Variants in SNCAIP observed in about 807,000 individuals in gnomAD.
SNCAIP encodes synuclein alpha interacting protein, also known as synphilin-1.
SNCAIP carries 43 observed loss-of-function variants against 86.7 expected under a neutral mutation model. The observed-to-expected ratio is 0.50, with a 90% CI of 0.39 to 0.64. The LOEUF (loss-of-function observed/expected upper bound fraction) is 0.64. Among genes scored for constraint, SNCAIP ranks in the 30% least tolerant of loss-of-function variants. SNCAIP has a pLI of 0.00. For synonymous variants in SNCAIP, 417 were observed against 427.2 expected, an observed-to-expected ratio of 0.98 and a Z score of 0.29; for missense variants, 981 against 1,103.1, an observed-to-expected ratio of 0.89 and a Z score of 1.57.
intron 2 of SNCAIP, 22 bp from the exon 3 acceptor site, chr5:122,403,771 T>G: frequency 6.2e-7 from 1 of 1,600,350 alleles, no homozygotes; most frequent in Non-Finnish European, 8.6e-7. Flanking sequence ...TTATGCCCTC[T>G]CTTCTCTGGC....
Position 122,463,608 on chromosome 5 carries a change from T to C in SNCAIP, c.*112T>C, listed in dbSNP as rs1351163718. On this transcript the variant is annotated 3_prime_UTR_variant, in exon 11 of 11. Coordinates refer to ENST00000261368, the MANE Select transcript of SNCAIP (RefSeq NM_005460.4). ...TTTAAATTTTCTCTCACTGATGCCCTTTGGAAATTATTGGAAATTTCTGGA... is the reference window on the plus strand; with the variant it reads ...TTTAAATTTTCTCTCACTGATGCCCCTTGGAAATTATTGGAAATTTCTGGA... 8.3e-7 allele frequency: 1 copy of C among 1,207,976 alleles called. No homozygotes were observed. The highest frequency in any genetic ancestry group is 2.4e-5 in the East Asian group (1 of 42,422). 74.8% of individuals were successfully genotyped at this position (1,207,976 alleles called of 1,614,324 possible).
chr5:122,348,067 G>A (rs1405770672), intron 1 of SNCAIP, among the ~76,000 whole-genome samples: 1 of 152,032 alleles, frequency 6.6e-6, no homozygotes, highest in Non-Finnish European at 1.5e-5. Flanking sequence ...GACAAATACT[G>A]AATATATTTC....
At chr5:122,328,468 G>C (rs1754582716) in intron 1 of SNCAIP, among the ~76,000 whole-genome samples, 1 of 152,098 alleles carries the variant, frequency 6.6e-6, no homozygotes, top group Non-Finnish European at 1.5e-5. Context: ...CCCTTCTCTT[G>C]AACCCTCTCA....
Position 122,431,118 on chromosome 5 carries a change from G to A in SNCAIP, c.1183-851G>A, listed in dbSNP as rs1465618715. Among the ~76,000 whole-genome samples, 3 of 152,018 alleles carry A rather than the reference G, an allele frequency of 2.0e-5. No individual in the cohort carries two copies. The East Asian group carries it at 5.8e-4, about 29-fold the overall frequency. On this transcript the variant is annotated intron_variant, in intron 5 of 10. Transcript: ENST00000261368. ...GATTAACTGACCATGCCGTGTGTTG[G>A]CTTAGTTTTGGAACAATTAGAATGC...
intron 1 of SNCAIP, among the ~76,000 whole-genome samples, chr5:122,372,417 C>T (rs1034486877): frequency 3.3e-5 from 5 of 152,306 alleles, no homozygotes; most frequent in East Asian, 1.9e-4. Context: ...CACTCCATTA[C>T]ACCACTGGGC....
At chr5:122,341,798 T>G (rs1404009602) in intron 1 of SNCAIP, among the ~76,000 whole-genome samples, 1 of 152,102 alleles carries the variant, frequency 6.6e-6, no homozygotes, top group Admixed American at 6.5e-5. Flanking sequence ...CTGCAAATGT[T>G]GGATAGGAGG....
At chr5:122,322,347 A>C (rs1474279552) in intron 1 of SNCAIP, among the ~76,000 whole-genome samples, 1 of 152,198 alleles carries the variant, frequency 6.6e-6, no homozygotes, top group Non-Finnish European at 1.5e-5. Flanking sequence ...CTTCCATAAA[A>C]CCATACTAAC....
intron 1 of SNCAIP, among the ~76,000 whole-genome samples, chr5:122,376,066 A>G (rs1056716474): frequency 1.3e-5 from 2 of 152,198 alleles, no homozygotes; most frequent in African/African-American, 4.8e-5. Flanking sequence ...ACCTTGACCT[A>G]TTGAATCAGC....
intron 1 of SNCAIP, among the ~76,000 whole-genome samples, chr5:122,350,884 G>T (rs1759641244): frequency 6.6e-6 from 1 of 152,164 alleles, no homozygotes; most frequent in Non-Finnish European, 1.5e-5. Context: ...TTGGAAGGAG[G>T]CTTAGCAGAA....
At chr5:122,433,872 C>T (rs1327461234) in intron 6 of SNCAIP, among the ~76,000 whole-genome samples, 1 of 152,142 alleles carries the variant, frequency 6.6e-6, no homozygotes, top group African/African-American at 2.4e-5. Context: ...TCGATCATTT[C>T]CTAGGCTAGT....
intron 1 of SNCAIP, among the ~76,000 whole-genome samples, chr5:122,334,839 A>C (rs1355121776): frequency 3.3e-5 from 5 of 152,232 alleles, no homozygotes; most frequent in Admixed American, 3.3e-4. Context: ...CTGATTTTGG[A>C]TAAGTGTCCA....
chr5:122,344,191 C>T (rs1325422904), intron 1 of SNCAIP, among the ~76,000 whole-genome samples: 2 of 152,086 alleles, frequency 1.3e-5, no homozygotes, highest in Admixed American at 6.5e-5. Context: ...TTCTTTAGTG[C>T]TATTACCCCA....
intron 1 of SNCAIP, among the ~76,000 whole-genome samples, chr5:122,361,520 G>A (rs2152767775): frequency 6.6e-6 from 1 of 152,300 alleles, no homozygotes; most frequent in South Asian, 2.1e-4. Flanking sequence ...ACAAAGAGAT[G>A]ATACTTGTAA....
At chr5:122,448,325 T>G (rs999149216) in intron 8 of SNCAIP, among the ~76,000 whole-genome samples, 3 of 151,816 alleles carry the variant, frequency 2.0e-5, no homozygotes, top group Non-Finnish European at 4.4e-5. Context: ...TAAAACAGCA[T>G]CAAATTTATC....
intron 2 of SNCAIP, among the ~76,000 whole-genome samples, chr5:122,402,838 A>T (rs1561676596): frequency 2.6e-5 from 4 of 152,220 alleles, no homozygotes. Flanking sequence ...TTTATGATAC[A>T]AGCTCATTTA....
At chr5:122,382,614 G>C (rs1014606232) in intron 1 of SNCAIP, among the ~76,000 whole-genome samples, 1 of 152,106 alleles carries the variant, frequency 6.6e-6, no homozygotes, top group East Asian at 1.9e-4. Context: ...AGGAGGAGAG[G>C]CGCTCTGCGT....
chr5:122,335,823 C>T (rs924977924), intron 1 of SNCAIP, among the ~76,000 whole-genome samples: 5 of 152,120 alleles, frequency 3.3e-5, no homozygotes, highest in Non-Finnish European at 7.4e-5. Context: ...TACAGGCTGC[C>T]CCAGGAAGGT....
rs1783344831 is a variant in SNCAIP at position 122,449,884 on chromosome 5, A to G, written c.1632A>G (p.Gln544=). 1 of 1,614,044 alleles carries G rather than the reference A, an allele frequency of 6.2e-7. No homozygotes were observed. Among genetic ancestry groups the G allele is most frequent in the African/African-American group, 1.3e-5 (1 of 75,034 alleles). ...GTGTCACGCTGCAGAACCAACTCCAACAATTTCTAGAAGCCCAGAAATCAG... is the reference window on the plus strand; with the variant it reads ...GTGTCACGCTGCAGAACCAACTCCAGCAATTTCTAGAAGCCCAGAAATCAG... ...VERVTLQNQL[Q]QFLEAQKSEG... Residue 544 remains glutamine (Q), a synonymous_variant, in exon 9 of 11, where the codon CAA becomes CAG. Coordinates refer to ENST00000261368, the MANE Select transcript of SNCAIP (RefSeq NM_005460.4).
chr5:122,358,159 TTGTG>T (rs36222259), intron 1 of SNCAIP, among the ~76,000 whole-genome samples: 5,799 of 137,840 alleles, frequency 0.042, 208 homozygotes, highest in African/African-American at 0.073. Flanking sequence ...ATTTGTTTCT[TTGTG>T]TGTGTGTGTG....
Sources: allele counts gnomAD v4.1 joint callset (sites outside exome capture counted in the v4.1 genomes callset), GRCh38; gene constraint gnomAD v4.1.1; transcripts MANE v1.5; gene names NCBI Gene and HGNC (gene_info 2026-07-23, HGNC 2026-07-21).